The following ADAMTS16 variants were observed in gnomAD, a reference collection of about 807,000 sequenced individuals.
The protein encoded by ADAMTS16 is ADAM metallopeptidase with thrombospondin type 1 motif 16.
A neutral mutation model predicts 145.8 loss-of-function variants in ADAMTS16; 94 were observed. The observed-to-expected ratio is 0.64, with a 90% CI of 0.55 to 0.77. The LOEUF (loss-of-function observed/expected upper bound fraction) is 0.77, where lower values mean the gene tolerates loss of function less well. Ranked by LOEUF, ADAMTS16 falls within the 30% of genes least tolerant of loss-of-function variation. ADAMTS16 has a pLI of 0.00. For synonymous variants in ADAMTS16, 659 were observed against 604.3 expected (o/e 1.09, Z -1.33); for missense variants, 1,585 against 1,591.5 (o/e 1.00, Z 0.07).
chr5:5,222,859 A>G lies in ADAMTS16; in HGVS notation c.1676A>G (p.Glu559Gly). Residue 559 changes from glutamate to glycine, a missense_variant, in exon 11 of 23, where the codon GAA (glutamate) becomes GGA (glycine). Physicochemically the swap from Glu to Gly is moderately conservative, Grantham distance 98 (BLOSUM62 -2). Coordinates refer to ENST00000274181, the MANE Select transcript of ADAMTS16 (RefSeq NM_139056.4). ...KCETKFMPAA[E>G]GTICGHDMWC... ...GAGACTAAATTTATGCCAGCAGCAG[A>G]AGGCACAATTTGTGGGCATGACATG... is the stretch of plus-strand genomic sequence containing the variant. 6.2e-7 allele frequency: 1 copy of G among 1,614,152 alleles called. No homozygotes were observed. The highest frequency in any genetic ancestry group is 8.5e-7 in the Non-Finnish European group (1 of 1,179,992).
At position 5,148,092 on chromosome 5, in the gene ADAMTS16, C is replaced by T. The variant is rs74599395; in HGVS notation, c.501+1637C>T. ...TGAAAGATAAAGAAATTATAAATAACAGAAAAAAATGCTTCTCTGGATAAT... is the reference window on the plus strand; with the variant it reads ...TGAAAGATAAAGAAATTATAAATAATAGAAAAAAATGCTTCTCTGGATAAT... On this transcript the variant is annotated intron_variant, in intron 3 of 22. Coordinates refer to ENST00000274181, the MANE Select transcript of ADAMTS16 (RefSeq NM_139056.4). Among the ~76,000 whole-genome samples, 833 of 135,742 alleles carry T rather than the reference C, an allele frequency of 6.1e-3. 9 individuals are homozygous for T. The highest frequency in any genetic ancestry group is 0.022 in the African/African-American group (805 of 37,126). 89.1% of individuals were successfully genotyped at this position (135,742 alleles called of 152,430 possible).
At chr5:5,221,505 T>A (rs1212927084) in intron 10 of ADAMTS16, among the ~76,000 whole-genome samples, 1 of 152,136 alleles carries the variant, frequency 6.6e-6, no homozygotes, top group African/African-American at 2.4e-5. Flanking sequence ...GATCATGACA[T>A]TTCATTGCAC....
intron 21 of ADAMTS16, among the ~76,000 whole-genome samples, chr5:5,309,229 A>G (rs1251628128): frequency 1.3e-5 from 2 of 152,256 alleles, no homozygotes; most frequent in African/African-American, 4.8e-5. Flanking sequence ...AGGTGGCTGA[A>G]GCCATCTCTG....
intron 8 of ADAMTS16, among the ~76,000 whole-genome samples, chr5:5,198,906 C>T (rs1340292881): frequency 1.3e-5 from 2 of 152,200 alleles, no homozygotes; most frequent in African/African-American, 4.8e-5. Context: ...ACCACCATGT[C>T]CTTCTTTGCT....
intron 20 of ADAMTS16, among the ~76,000 whole-genome samples, chr5:5,304,500 G>A (rs987968320): frequency 6.6e-5 from 10 of 152,216 alleles, no homozygotes; most frequent in African/African-American, 1.7e-4. Flanking sequence ...AGAGATCACC[G>A]TAACCCAGAG....
chr5:5,148,130 T>C (rs1734353991), intron 3 of ADAMTS16, among the ~76,000 whole-genome samples: 2 of 152,246 alleles, frequency 1.3e-5, no homozygotes, highest in Admixed American at 6.5e-5. Context: ...CAGTGGTATC[T>C]GATACTGTAG....
At chr5:5,170,566 C>T (rs1489179052) in intron 3 of ADAMTS16, among the ~76,000 whole-genome samples, 3 of 151,774 alleles carry the variant, frequency 2.0e-5, no homozygotes, top group Non-Finnish European at 4.4e-5. Context: ...TTAGTAGAGA[C>T]GCGGTTTCTC....
intron 4 of ADAMTS16, among the ~76,000 whole-genome samples, chr5:5,185,011 T>C (rs1487723192): frequency 6.6e-6 from 1 of 152,108 alleles, no homozygotes; most frequent in East Asian, 1.9e-4. Context: ...CATGACCTCA[T>C]CCTTAGAACC....
At chr5:5,170,196 T>A (rs1391281103) in intron 3 of ADAMTS16, among the ~76,000 whole-genome samples, 1 of 152,162 alleles carries the variant, frequency 6.6e-6, no homozygotes, top group Admixed American at 6.5e-5. Context: ...CTTCTCCACA[T>A]CCTCGCCAGC....
intron 10 of ADAMTS16, among the ~76,000 whole-genome samples, chr5:5,215,667 T>C: frequency 6.7e-6 from 1 of 149,414 alleles, no homozygotes; most frequent in East Asian, 1.9e-4. Flanking sequence ...GTTAATTGAT[T>C]CCTTTTTATG....
intron 21 of ADAMTS16, among the ~76,000 whole-genome samples, chr5:5,314,916 C>T (rs1733972881): frequency 6.6e-6 from 1 of 152,208 alleles, no homozygotes; most frequent in Admixed American, 6.5e-5. Flanking sequence ...AGGGCCAAGT[C>T]GACTGTGTTC....
At chr5:5,161,784 G>A (rs1734748670) in intron 3 of ADAMTS16, among the ~76,000 whole-genome samples, 1 of 152,142 alleles carries the variant, frequency 6.6e-6, no homozygotes, top group South Asian at 2.1e-4. Context: ...ATCATAGGAA[G>A]AGCAGACACA....
intron 3 of ADAMTS16, among the ~76,000 whole-genome samples, chr5:5,150,851 T>C (rs1263759146): frequency 6.6e-6 from 1 of 152,248 alleles, no homozygotes; most frequent in African/African-American, 2.4e-5. Context: ...ACTTCCATTG[T>C]TTCTGGTGAG....
chr5:5,183,320 G>A (rs1029662755), intron 4 of ADAMTS16, among the ~76,000 whole-genome samples: 2 of 152,218 alleles, frequency 1.3e-5, no homozygotes, highest in African/African-American at 4.8e-5. Flanking sequence ...GGTTGGGTGA[G>A]TGTTTGAAAA....
At chr5:5,298,907 C>T (rs778807361) in intron 18 of ADAMTS16, among the ~76,000 whole-genome samples, 1 of 152,188 alleles carries the variant, frequency 6.6e-6, no homozygotes, top group Non-Finnish European at 1.5e-5. Flanking sequence ...TTTAGAACAG[C>T]CTACTGGACA....
chr5:5,249,890 G>C (rs1737568149), intron 17 of ADAMTS16, among the ~76,000 whole-genome samples: 1 of 152,140 alleles, frequency 6.6e-6, no homozygotes, highest in Non-Finnish European at 1.5e-5. Context: ...AGTGGGAAAG[G>C]GAACTGGAAA....
chr5:5,191,335 G>A (rs191318784), intron 7 of ADAMTS16, among the ~76,000 whole-genome samples: 15 of 152,248 alleles, frequency 9.9e-5, no homozygotes, highest in Admixed American at 9.2e-4. Flanking sequence ...GGGAACATAG[G>A]TGTTTAGAAT....
intron 3 of ADAMTS16, among the ~76,000 whole-genome samples, chr5:5,176,484 G>A (rs1735199058): frequency 6.6e-6 from 1 of 152,128 alleles, no homozygotes; most frequent in Admixed American, 6.5e-5. Flanking sequence ...TAATGTCCAG[G>A]TGAATTAAAT....
At chr5:5,228,569 C>T (rs1176549085) in intron 11 of ADAMTS16, among the ~76,000 whole-genome samples, 1 of 152,028 alleles carries the variant, frequency 6.6e-6, no homozygotes, top group Non-Finnish European at 1.5e-5. Flanking sequence ...ACAATAACCA[C>T]CCTTCAAACA....
Sources: allele counts gnomAD v4.1 joint callset (sites outside exome capture counted in the v4.1 genomes callset), GRCh38; gene constraint gnomAD v4.1.1; transcripts MANE v1.5; gene names NCBI Gene and HGNC (gene_info 2026-07-23, HGNC 2026-07-21).